Variants in LPP observed in about 807,000 individuals in gnomAD.
The protein encoded by LPP is lipoma-preferred partner.
Under a neutral mutation model 60.4 loss-of-function variants are expected in LPP, and 38 were observed. The ratio of observed to expected loss-of-function variants is 0.63; its 90% confidence interval spans 0.49 to 0.83. The LOEUF is 0.83. Among genes scored for constraint, LPP ranks in the 40% least tolerant of loss-of-function variants. The pLI is 0.00. For synonymous variants in LPP, 328 were observed against 290.8 expected, an observed-to-expected ratio of 1.13 and a Z score of -1.30; for missense variants, 902 against 783.6, an observed-to-expected ratio of 1.15 and a Z score of -1.80.
chr3:188,634,076 A>T (rs1848297377), intron 7 of LPP, among the ~76,000 whole-genome samples: 1 of 152,220 alleles, frequency 6.6e-6, no homozygotes, highest in Non-Finnish European at 1.5e-5. Flanking sequence ...CCATATAAAG[A>T]ATAGTTACAT....
intron 5 of LPP, among the ~76,000 whole-genome samples, chr3:188,496,492 T>G (rs1041902614): frequency 4.6e-5 from 7 of 152,166 alleles, no homozygotes; most frequent in African/African-American, 1.7e-4. Flanking sequence ...AGACAACTTC[T>G]GCAAAGGGAA....
chr3:188,500,926 TTC>T (rs1454510987), intron 5 of LPP, among the ~76,000 whole-genome samples: 4 of 152,022 alleles, frequency 2.6e-5, no homozygotes, highest in Non-Finnish European at 5.9e-5. Flanking sequence ...AGTTTGAGTC[TTC>T]TCTCTCTGTC....
rs768135751 is a variant in LPP, at chr3:188,890,541, GT to G, written c.*16066del. Reference sequence around the variant, plus strand: ...CTGTTTTTCTATTTACCTTCTATCAGTTTTCTCTACCAATTATGTTTTTTCA... The same window carrying G: ...CTGTTTTTCTATTTACCTTCTATCAGTTTCTCTACCAATTATGTTTTTTCA... On this transcript the variant is annotated 3_prime_UTR_variant, in exon 12 of 12. Transcript: ENST00000617246. 8 of 182,034 alleles carry G rather than the reference GT, an allele frequency of 4.4e-5. No homozygotes were observed. Among genetic ancestry groups the G allele is most frequent in the Non-Finnish European group, 7.0e-5 (6 of 85,528 alleles). The allele number at this position is 182,034 out of a possible 1,614,324, so 11.3% of individuals were successfully genotyped here. A position where few individuals can be genotyped will look rare whatever the true frequency, so the allele number is the denominator to read the frequency against.
At chr3:188,423,554 T>G (rs1176890435) in intron 4 of LPP, among the ~76,000 whole-genome samples, 4 of 152,180 alleles carry the variant, frequency 2.6e-5, no homozygotes, top group Non-Finnish European at 4.4e-5. Context: ...TAATTTACAC[T>G]CCCACCAACA....
Position 188,352,930 on chromosome 3 carries a change from A to T in LPP, c.-10+11211A>T, listed in dbSNP as rs764272998. On this transcript the variant is annotated intron_variant, in intron 3 of 11. Coordinates refer to ENST00000617246, the MANE Select transcript of LPP (RefSeq NM_001375462.1). The surrounding 1 kb of genome is among the most constrained non-coding windows in gnomAD (Gnocchi z 4.4). Reference sequence around the variant, plus strand: ...ATCCACAGAAACTTTTCTGGGGGAGAATGTTTCTTATCAGATTCCGCAGAT... The same window carrying T: ...ATCCACAGAAACTTTTCTGGGGGAGTATGTTTCTTATCAGATTCCGCAGAT... 1.9e-4 allele frequency among the ~76,000 whole-genome samples: 29 copies of T among 152,128 alleles called. No homozygotes were observed. The highest frequency in any genetic ancestry group is 3.7e-4 in the Non-Finnish European group (25 of 68,022).
intron 6 of LPP, among the ~76,000 whole-genome samples, chr3:188,528,770 G>T (rs547441691): frequency 1.3e-5 from 2 of 152,066 alleles, no homozygotes; most frequent in Non-Finnish European, 2.9e-5. Context: ...TTTGAATTTT[G>T]GCTTGTGCTT....
chr3:188,153,060 T>C (rs931135343), upstream of LPP: 3 of 152,180 alleles, frequency 2.0e-5, no homozygotes, highest in African/African-American at 7.2e-5. Flanking sequence ...CTGATTGTCA[T>C]TGATATTCAG....
At chr3:188,614,207 G>C (rs1181821045) in intron 7 of LPP, among the ~76,000 whole-genome samples, 1 of 151,464 alleles carries the variant, frequency 6.6e-6, no homozygotes, top group Non-Finnish European at 1.5e-5. Context: ...GGGATTACAG[G>C]TGTGATCCCA....
intron 3 of LPP, among the ~76,000 whole-genome samples, chr3:188,395,407 A>AT (rs372438175): frequency 0.024 from 3,568 of 148,802 alleles, 143 homozygotes; most frequent in African/African-American, 0.081. Flanking sequence ...AATTATTATT[A>AT]TTTTTTTTTT....
chr3:188,437,264 G>A (rs545317956), intron 4 of LPP, among the ~76,000 whole-genome samples: 2 of 152,288 alleles, frequency 1.3e-5, no homozygotes, highest in South Asian at 2.1e-4. Flanking sequence ...TAGAGCTTCC[G>A]TTCCAAAGTA....
intron 3 of LPP, among the ~76,000 whole-genome samples, chr3:188,398,724 A>T (rs1781544927): frequency 6.6e-6 from 1 of 152,188 alleles, no homozygotes; most frequent in South Asian, 2.1e-4. Context: ...CGCCTCCACC[A>T]CATGCCACAG....
intron 5 of LPP, among the ~76,000 whole-genome samples, chr3:188,503,270 G>T: frequency 6.6e-6 from 1 of 151,960 alleles, no homozygotes. Flanking sequence ...AGTTGTTGAT[G>T]TAACAAAATT....
chr3:188,682,370 C>T (rs769272906), intron 7 of LPP, among the ~76,000 whole-genome samples: 2 of 152,204 alleles, frequency 1.3e-5, no homozygotes, highest in Non-Finnish European at 2.9e-5. Flanking sequence ...TTTTCCATCT[C>T]TTGCGTTTAT....
intron 4 of LPP, among the ~76,000 whole-genome samples, chr3:188,470,771 G>C (rs1801654990): frequency 6.6e-6 from 1 of 152,290 alleles, no homozygotes; most frequent in East Asian, 1.9e-4. Flanking sequence ...CAAAGTCTTG[G>C]TGTCCAGGAA....
At chr3:188,254,542 C>G (rs1458488920) in intron 2 of LPP, among the ~76,000 whole-genome samples, 2 of 152,150 alleles carry the variant, frequency 1.3e-5, no homozygotes, top group African/African-American at 4.8e-5. Context: ...ATTGGCTTGC[C>G]TATGTTTTTG....
intron 3 of LPP, among the ~76,000 whole-genome samples, chr3:188,358,945 C>T (rs972046039): frequency 3.9e-5 from 6 of 152,156 alleles, no homozygotes; most frequent in African/African-American, 1.2e-4. Flanking sequence ...CTATTAGGTG[C>T]TGACAGTGCG....
intron 3 of LPP, among the ~76,000 whole-genome samples, chr3:188,400,370 G>A (rs771458486): frequency 1.1e-4 from 16 of 152,124 alleles, no homozygotes; most frequent in Non-Finnish European, 2.4e-4. Flanking sequence ...ACCTCTTACA[G>A]TCTTACTTTC....
intron 9 of LPP, among the ~76,000 whole-genome samples, chr3:188,840,502 CTTTA>C (rs1179258115): frequency 2.0e-5 from 3 of 152,152 alleles, no homozygotes; most frequent in South Asian, 2.1e-4. Flanking sequence ...CACACAAGGA[CTTTA>C]TTTATTTATT....
rs547841913 is a variant in LPP at position 188,815,804 on chromosome 3, G to C, written c.1411-50396G>C. ...GTCATAGAACACTGGCTGTTTCTTT[G>C]GCAACTGTTCAGGGAAGACTAGCTG... On this transcript the variant is annotated intron_variant, in intron 9 of 11. Coordinates refer to ENST00000617246, the MANE Select transcript of LPP (RefSeq NM_001375462.1). Among the ~76,000 whole-genome samples, 437 of 152,210 alleles carry C rather than the reference G, an allele frequency of 2.9e-3. 9 individuals carry two copies. Among genetic ancestry groups the C allele is most frequent in the Non-Finnish European group, 1.1e-3 (72 of 68,014 alleles).
Sources: gnomAD v4.1 joint callset for allele counts (sites outside exome capture counted in the v4.1 genomes callset) on GRCh38, gnomAD v4.1.1 for gene constraint, Gnocchi (gnomAD v3.1) non-coding constraint, MANE v1.5 for transcripts, NCBI Gene and HGNC (gene_info 2026-07-23, HGNC 2026-07-21) for gene names.